Variants in ZBTB20 observed in about 807,000 individuals in gnomAD.
The protein encoded by ZBTB20 is zinc finger and BTB domain-containing protein 20.
In ZBTB20, 9 loss-of-function variants were observed where a neutral mutation model predicts 56.9. The ratio of observed to expected loss-of-function variants is 0.16; its 90% CI spans 0.10 to 0.28. The LOEUF (loss-of-function observed/expected upper bound fraction) is 0.28. ZBTB20 is among the 10% of genes least tolerant of loss of function. ZBTB20 has a pLI of 1.00. For missense variants in ZBTB20, 655 were observed against 1,003.0 expected, an observed-to-expected ratio of 0.65 and a Z score of 4.69; for synonymous variants, 417 against 420.7, an observed-to-expected ratio of 0.99 and a Z score of 0.11.
intron 5 of ZBTB20, among the ~76,000 whole-genome samples, chr3:114,776,240 A>G (rs1222164542): frequency 6.6e-6 from 1 of 150,990 alleles, no homozygotes; most frequent in Non-Finnish European, 1.5e-5. Context: ...TAACTCTTGG[A>G]GTCTGAATAT....
At chr3:114,427,284 A>C (rs750878448) in intron 7 of ZBTB20, among the ~76,000 whole-genome samples, 1 of 152,240 alleles carries the variant, frequency 6.6e-6, no homozygotes, top group Non-Finnish European at 1.5e-5. Flanking sequence ...TTAAATTTAC[A>C]CACCAAGAAG....
At chr3:114,480,712 C>A (rs866428649) in intron 7 of ZBTB20, among the ~76,000 whole-genome samples, 1 of 152,120 alleles carries the variant, frequency 6.6e-6, no homozygotes, top group Middle Eastern at 3.2e-3. Flanking sequence ...AACTTGTTGG[C>A]TGGACTAAAG....
chr3:114,570,701 C>G (rs1408300083), intron 6 of ZBTB20, among the ~76,000 whole-genome samples: 1 of 151,986 alleles, frequency 6.6e-6, no homozygotes, highest in Non-Finnish European at 1.5e-5. Flanking sequence ...AGGAAAGCAC[C>G]CTTTTTACTC....
rs2079405362 is a variant in ZBTB20 at position 114,335,096 on chromosome 3, T to C, written c.*3909A>G. 2 of 152,192 alleles carry C rather than the reference T, an allele frequency of 1.3e-5. No homozygotes were observed. The highest frequency in any genetic ancestry group is 4.1e-4 in the South Asian group (2 of 4,828). 9.4% of individuals were successfully genotyped at this position (152,192 alleles called of 1,614,324 possible). ...GAAAATATTATTTTTTTATAAACCATATCTAAATATCTTGAGATAAAAATT... is the reference window on the plus strand; with the variant it reads ...GAAAATATTATTTTTTTATAAACCACATCTAAATATCTTGAGATAAAAATT... On this transcript the variant is annotated 3_prime_UTR_variant, in exon 12 of 12. Coordinates refer to ENST00000675478, the MANE Select transcript of ZBTB20 (RefSeq NM_001348800.3).
chr3:114,715,877 T>G (rs2064444148), intron 5 of ZBTB20, among the ~76,000 whole-genome samples: 1 of 152,232 alleles, frequency 6.6e-6, no homozygotes, highest in African/African-American at 2.4e-5. Context: ...TAACAGATTC[T>G]TTTAGCCCAT....
chr3:114,766,489 ATGTGTGTGTGTGTGTG>A (rs71297433), intron 5 of ZBTB20, among the ~76,000 whole-genome samples: 2 of 139,082 alleles, frequency 1.4e-5, no homozygotes, highest in East Asian at 2.1e-4. Context: ...TGGGATGGAA[ATGTGTGTGTGTGTGTG>A]TGTGTGTGTG....
At chr3:114,843,034 C>T (rs2107333787) in intron 4 of ZBTB20, among the ~76,000 whole-genome samples, 1 of 152,210 alleles carries the variant, frequency 6.6e-6, no homozygotes, top group East Asian at 1.9e-4. Context: ...ATTTGGCAGT[C>T]TCTCTCTTCT....
chr3:114,963,027 C>T (rs2077512316), intron 3 of ZBTB20, among the ~76,000 whole-genome samples: 1 of 151,884 alleles, frequency 6.6e-6, no homozygotes, highest in Non-Finnish European at 1.5e-5. Flanking sequence ...CTGAAGCTGG[C>T]ATCACTCACA....
At chr3:114,884,280 G>A (rs2076523084) in intron 4 of ZBTB20, among the ~76,000 whole-genome samples, 1 of 152,120 alleles carries the variant, frequency 6.6e-6, no homozygotes, top group African/African-American at 2.4e-5. Flanking sequence ...TGTGGCTAAA[G>A]CCTACTAAAA....
At chr3:114,830,836 C>T (rs927214191) in intron 4 of ZBTB20, among the ~76,000 whole-genome samples, 6 of 151,840 alleles carry the variant, frequency 4.0e-5, no homozygotes, top group African/African-American at 9.7e-5. Context: ...AGCATAATTG[C>T]GCTCCAAATG....
rs1006702731 is a variant in ZBTB20 at position 114,332,917 on chromosome 3, G to A, written c.*6088C>T. On this transcript the variant is annotated 3_prime_UTR_variant, in exon 12 of 12. Coordinates refer to ENST00000675478, the MANE Select transcript of ZBTB20 (RefSeq NM_001348800.3). ...GGCATTTTTACCCATCATGCAGTGA[G>A]GAGAAAATACATAGTTCTGAAAAAG... The A allele has an allele frequency of 4.6e-5, 7 of 152,154 alleles. No homozygotes were observed. Among genetic ancestry groups the A allele is most frequent in the East Asian group, 1.9e-4 (1 of 5,196 alleles). The allele number at this position is 152,154 out of a possible 1,614,324, so 9.4% of individuals were successfully genotyped here. A position where few individuals can be genotyped will look rare whatever the true frequency, so the allele number is the denominator to read the frequency against.
intron 5 of ZBTB20, among the ~76,000 whole-genome samples, chr3:114,765,830 A>G (rs1262438136): frequency 6.6e-6 from 1 of 152,204 alleles, no homozygotes; most frequent in Admixed American, 6.5e-5. Flanking sequence ...TGATTTCTTT[A>G]CATGGAACAT....
intron 5 of ZBTB20, among the ~76,000 whole-genome samples, chr3:114,711,839 A>T (rs548171064): frequency 1.3e-5 from 2 of 152,208 alleles, no homozygotes; most frequent in Non-Finnish European, 2.9e-5. Flanking sequence ...GAACAAACTA[A>T]TCCATGAAGC....
At chr3:114,797,860 G>C (rs1485893821) in intron 5 of ZBTB20, among the ~76,000 whole-genome samples, 1 of 151,884 alleles carries the variant, frequency 6.6e-6, no homozygotes, top group Non-Finnish European at 1.5e-5. Flanking sequence ...ATGGTGGAGA[G>C]AGGGAAGACC....
chr3:114,430,286 C>T (rs2090022795), intron 7 of ZBTB20, among the ~76,000 whole-genome samples: 1 of 152,160 alleles, frequency 6.6e-6, no homozygotes, highest in African/African-American at 2.4e-5. Flanking sequence ...AAACATCTCC[C>T]AGAGCAGAGA....
chr3:114,907,984 G>A (rs1399169399), intron 3 of ZBTB20, among the ~76,000 whole-genome samples: 2 of 151,922 alleles, frequency 1.3e-5, no homozygotes, highest in South Asian at 4.1e-4. Flanking sequence ...TAGATAGGGG[G>A]ACCAGCAAAG....
At chr3:114,717,149 C>A (rs935871054) in intron 5 of ZBTB20, among the ~76,000 whole-genome samples, 6 of 152,100 alleles carry the variant, frequency 3.9e-5, no homozygotes, top group Non-Finnish European at 7.4e-5. Flanking sequence ...TAAAACAAAA[C>A]AATCTAACCA....
At chr3:114,799,936 A>C (rs748167278) in intron 5 of ZBTB20, among the ~76,000 whole-genome samples, 11 of 152,076 alleles carry the variant, frequency 7.2e-5, no homozygotes, top group Non-Finnish European at 1.2e-4. Flanking sequence ...CAAGAACTAC[A>C]GTCAATAAAG....
intron 6 of ZBTB20, chr3:114,520,048 A>G (rs1169956754): frequency 6.6e-6 from 1 of 152,124 alleles, no homozygotes; most frequent in South Asian, 2.1e-4. Context: ...AGAGCAATAA[A>G]ATTTAAAGTT....
Sources: allele counts gnomAD v4.1 joint callset (sites outside exome capture counted in the v4.1 genomes callset), GRCh38; gene constraint gnomAD v4.1.1; transcripts MANE v1.5; gene names NCBI Gene and HGNC (gene_info 2026-07-23, HGNC 2026-07-21).